DGKB: variants seen among roughly 807,000 people sequenced by gnomAD.
The protein encoded by DGKB is diacylglycerol kinase beta.
In DGKB, 67 loss-of-function variants were observed where a neutral mutation model predicts 114.3. That is an observed-to-expected ratio of 0.59 (90% CI 0.48 to 0.72). The LOEUF (loss-of-function observed/expected upper bound fraction) is 0.72, where lower values mean the gene tolerates loss of function less well. Ranked by LOEUF, DGKB falls within the 30% of genes least tolerant of loss-of-function variation. The pLI is 0.00. For missense variants in DGKB, 907 were observed against 975.2 expected (o/e 0.93, Z 0.93); for synonymous variants, 398 against 323.1 (o/e 1.23, Z -2.49).
intron 1 of DGKB, among the ~76,000 whole-genome samples, chr7:14,892,960 GTA>G (rs377537298): frequency 0.012 from 1,757 of 149,746 alleles, 16 homozygotes; most frequent in Non-Finnish European, 0.021. Flanking sequence ...ATATGTGTGT[GTA>G]TATATACATA....
chr7:14,456,966 A>G (rs1403949666), intron 21 of DGKB, among the ~76,000 whole-genome samples: 1 of 151,420 alleles, frequency 6.6e-6, no homozygotes, highest in Non-Finnish European at 1.5e-5. Context: ...ACTATTACAC[A>G]TTAAAATTAA....
rs182520327 is a variant in DGKB at position 14,796,446 on chromosome 7, T to C, written c.71-38715A>G. Among the ~76,000 whole-genome samples the C allele has an allele frequency of 1.1e-4, 17 of 152,272 alleles. No individual in the cohort carries two copies. In the East Asian group the frequency reaches 3.1e-3, roughly 28 times the overall value. On this transcript the variant is annotated intron_variant, in intron 2 of 25. Transcript: ENST00000402815. ...GATCAGCTGCAGACCAGACCAAAGC[T>C]TTCAATGGAAATTTTAAACAAGTGG... is the stretch of plus-strand genomic sequence containing the variant.
chr7:14,242,051 T>C (rs896218239), intron 23 of DGKB, among the ~76,000 whole-genome samples: 14 of 152,160 alleles, frequency 9.2e-5, no homozygotes, highest in African/African-American at 3.4e-4. Flanking sequence ...GAAAGGTCAA[T>C]ATGGAGCAAA....
At chr7:14,555,604 A>C (rs1446247473) in intron 20 of DGKB, among the ~76,000 whole-genome samples, 1 of 152,196 alleles carries the variant, frequency 6.6e-6, no homozygotes, top group Non-Finnish European at 1.5e-5. Context: ...GAATAGGAGT[A>C]AGGTAAAATA....
chr7:14,721,335 T>C (rs1291688939), intron 5 of DGKB, among the ~76,000 whole-genome samples: 2 of 152,216 alleles, frequency 1.3e-5, no homozygotes, highest in Admixed American at 1.3e-4. Flanking sequence ...GTCTTTTCTG[T>C]ATGTAATGTA....
chr7:14,592,990 C>A (rs768265468), intron 17 of DGKB, among the ~76,000 whole-genome samples: 2 of 151,904 alleles, frequency 1.3e-5, no homozygotes, highest in Non-Finnish European at 2.9e-5. Context: ...TTTGGGAAGA[C>A]ATTCCATGTG....
At chr7:14,478,660 T>C (rs1322323664) in intron 20 of DGKB, among the ~76,000 whole-genome samples, 5 of 151,968 alleles carry the variant, frequency 3.3e-5, no homozygotes, top group African/African-American at 1.2e-4. Flanking sequence ...TTTGAGATAA[T>C]TATGAGTAAA....
chr7:14,639,557 G>A (rs1189469579), intron 13 of DGKB, among the ~76,000 whole-genome samples: 1 of 152,116 alleles, frequency 6.6e-6, no homozygotes, highest in African/African-American at 2.4e-5. Flanking sequence ...TGTGCCAGGA[G>A]GCCCTAGATA....
intron 21 of DGKB, among the ~76,000 whole-genome samples, chr7:14,396,274 T>A (rs996108024): frequency 3.3e-5 from 5 of 152,102 alleles, no homozygotes; most frequent in African/African-American, 1.2e-4. Context: ...CAAGGTGAAA[T>A]AAAGTAGCAT....
chr7:14,491,660 C>A (rs1483077082), intron 20 of DGKB, among the ~76,000 whole-genome samples: 1 of 152,056 alleles, frequency 6.6e-6, no homozygotes. Context: ...GTCCATAATT[C>A]TATTCTTAAC....
intron 23 of DGKB, among the ~76,000 whole-genome samples, chr7:14,198,659 A>C (rs1785370371): frequency 6.6e-6 from 1 of 152,046 alleles, no homozygotes; most frequent in East Asian, 1.9e-4. Flanking sequence ...TTATGGTTAT[A>C]TGTGAATTGC....
chr7:14,279,991 C>T lies in DGKB; in HGVS notation c.2122+58524G>A, dbSNP rs957493909. Among the ~76,000 whole-genome samples the T allele has an allele frequency of 4.8e-4, 73 of 152,246 alleles. 1 individual carries two copies. Among genetic ancestry groups the T allele is most frequent in the Admixed American group, 4.1e-3 (62 of 15,284 alleles). On this transcript the variant is annotated intron_variant, in intron 23 of 25. Coordinates refer to ENST00000402815, the MANE Select transcript of DGKB (RefSeq NM_001350709.2). ...AAGGAACGCAGCTCCTCACCAGTAA[C>T]GGAACAAAGCTGGACGGAGAATGAC...
At chr7:14,934,726 T>TTAATAC (rs1214111626) in intron 1 of DGKB, among the ~76,000 whole-genome samples, 7 of 152,302 alleles carry the variant, frequency 4.6e-5, no homozygotes, top group African/African-American at 1.7e-4. Flanking sequence ...TATTTAAGAA[T>TTAATAC]TAATACTGAA....
intron 23 of DGKB, among the ~76,000 whole-genome samples, chr7:14,324,292 C>CA (rs1808344887): frequency 6.6e-6 from 1 of 151,672 alleles, no homozygotes; most frequent in South Asian, 2.1e-4. Context: ...ACTAAAAATA[C>CA]AAAAATTAGC....
intron 6 of DGKB, among the ~76,000 whole-genome samples, chr7:14,705,261 T>A (rs1188788722): frequency 6.7e-6 from 1 of 150,178 alleles, no homozygotes; most frequent in Non-Finnish European, 1.5e-5. Context: ...GAAGGGAAGT[T>A]TAGAGAAAAA....
intron 6 of DGKB, among the ~76,000 whole-genome samples, chr7:14,712,009 G>A (rs938012949): frequency 6.6e-6 from 1 of 152,078 alleles, no homozygotes; most frequent in African/African-American, 2.4e-5. Flanking sequence ...TAGTTTGGAA[G>A]AAAACAACAA....
In DGKB at chr7:14,680,269, G is replaced by A. The variant is rs1407020313; in HGVS notation, c.1035+2284C>T. Among the ~76,000 whole-genome samples, 4 of 151,892 alleles carry A rather than the reference G, an allele frequency of 2.6e-5. No homozygotes were observed. In the East Asian group the frequency reaches 7.7e-4, roughly 29 times the overall value. ...AACTTGGGGATTTAAGACATTTGCTGTTTATGTTGTGCTTTGCCATAATGA... is the reference window on the plus strand; with the variant it reads ...AACTTGGGGATTTAAGACATTTGCTATTTATGTTGTGCTTTGCCATAATGA... On this transcript the variant is annotated intron_variant, in intron 12 of 25. Coordinates refer to ENST00000402815, the MANE Select transcript of DGKB (RefSeq NM_001350709.2).
chr7:14,682,426 A>T, intron 12 of DGKB, 127 bp downstream of exon 12: 2 of 669,154 alleles, frequency 3.0e-6, no homozygotes, highest in South Asian at 3.7e-5. Context: ...TGAAATGAGA[A>T]GTTTCCATGG....
At chr7:14,739,703 C>T (rs530749162) in intron 4 of DGKB, among the ~76,000 whole-genome samples, 1 of 152,286 alleles carries the variant, frequency 6.6e-6, no homozygotes, top group Admixed American at 6.5e-5. Flanking sequence ...CTGGGCCTTC[C>T]AGTCCTCAGA....
Sources: gnomAD v4.1 joint callset for allele counts (sites outside exome capture counted in the v4.1 genomes callset) on GRCh38, gnomAD v4.1.1 for gene constraint, MANE v1.5 for transcripts, NCBI Gene and HGNC (gene_info 2026-07-23, HGNC 2026-07-21) for gene names.